Variants in CDH13 observed in about 807,000 individuals in gnomAD.
The protein encoded by CDH13 is cadherin 13, also known as cadherin-13.
CDH13 carries 24 observed loss-of-function variants against 63.8 expected under a neutral mutation model. The observed-to-expected ratio is 0.38, with a 90% CI of 0.27 to 0.53. The LOEUF is 0.53. Ranked by LOEUF, CDH13 falls within the 20% of genes least tolerant of loss-of-function variation. The pLI is 0.85. For synonymous variants in CDH13, 503 were observed against 355.3 expected, an observed-to-expected ratio of 1.42 and a Z score of -4.67; for missense variants, 1,049 against 903.1, an observed-to-expected ratio of 1.16 and a Z score of -2.07.
intron 6 of CDH13, among the ~76,000 whole-genome samples, chr16:83,410,454 T>A (rs928964836): frequency 5.3e-5 from 8 of 152,130 alleles, no homozygotes; most frequent in African/African-American, 1.9e-4. Context: ...AATCTATAGA[T>A]CAAGATAATG....
chr16:82,874,325 G>C (rs1204845171), intron 2 of CDH13, among the ~76,000 whole-genome samples: 1 of 152,094 alleles, frequency 6.6e-6, no homozygotes, highest in Non-Finnish European at 1.5e-5. Flanking sequence ...GTCGTGCTAA[G>C]ATGTTGAGTT....
At chr16:83,602,970 A>G (rs1023477179) in intron 8 of CDH13, among the ~76,000 whole-genome samples, 10 of 152,248 alleles carry the variant, frequency 6.6e-5, no homozygotes, top group Non-Finnish European at 1.0e-4. Flanking sequence ...TTGAGAGGCC[A>G]GACGGAACAG....
chr16:82,884,108 C>G, intron 2 of CDH13: 3 of 445,814 alleles, frequency 6.7e-6, no homozygotes, highest in South Asian at 1.6e-5. Flanking sequence ...TGAATAAATA[C>G]AAATATTGTT....
At chr16:83,287,270 G>A (rs1370452230) in intron 5 of CDH13, among the ~76,000 whole-genome samples, 3 of 152,150 alleles carry the variant, frequency 2.0e-5, no homozygotes, top group Non-Finnish European at 4.4e-5. Flanking sequence ...AGAGGCATTC[G>A]CTTCAGGGAC....
intron 7 of CDH13, among the ~76,000 whole-genome samples, chr16:83,508,631 G>A (rs752823513): frequency 1.6e-4 from 25 of 152,166 alleles, no homozygotes; most frequent in Middle Eastern, 3.4e-3. Context: ...ATGTTCTCCC[G>A]AGTCTCCCAG....
chr16:83,412,849 AT>A (rs1436159762), intron 6 of CDH13, among the ~76,000 whole-genome samples: 4 of 152,236 alleles, frequency 2.6e-5, no homozygotes, highest in Non-Finnish European at 2.9e-5. Context: ...GCTTTGGGAA[AT>A]TCCCAGAACA....
intron 6 of CDH13, among the ~76,000 whole-genome samples, chr16:83,353,471 A>T (rs2090997414): frequency 6.6e-6 from 1 of 152,260 alleles, no homozygotes; most frequent in African/African-American, 2.4e-5. Context: ...ATACCAAAGC[A>T]TCTGCTGGGA....
chr16:83,612,804 T>C (rs1908968590), intron 8 of CDH13, among the ~76,000 whole-genome samples: 1 of 152,160 alleles, frequency 6.6e-6, no homozygotes, highest in African/African-American at 2.4e-5. Context: ...TTTGAGCTCC[T>C]TTTATCATCC....
intron 6 of CDH13, among the ~76,000 whole-genome samples, chr16:83,390,681 G>A (rs2091769339): frequency 6.6e-6 from 1 of 152,078 alleles, no homozygotes; most frequent in Non-Finnish European, 1.5e-5. Context: ...TTGTCTCCAT[G>A]GATTCTAGTG....
chr16:83,018,398 T>C (rs1189624826), intron 2 of CDH13, among the ~76,000 whole-genome samples: 1 of 152,178 alleles, frequency 6.6e-6, no homozygotes, highest in African/African-American at 2.4e-5. Context: ...ATGATGTTTT[T>C]AATGGGTTAA....
chr16:83,605,716 A>T (rs1307032980), intron 8 of CDH13, among the ~76,000 whole-genome samples: 1 of 152,184 alleles, frequency 6.6e-6, no homozygotes, highest in Non-Finnish European at 1.5e-5. Context: ...GATGAGAAAG[A>T]TATTATTATG....
intron 1 of CDH13, among the ~76,000 whole-genome samples, chr16:82,732,211 C>A (rs2033439860): frequency 6.6e-6 from 1 of 152,088 alleles, no homozygotes; most frequent in African/African-American, 2.4e-5. Flanking sequence ...ATCATCGTGT[C>A]TTTGGAGTCT....
At chr16:83,551,301 A>G (rs1158132154) in intron 7 of CDH13, among the ~76,000 whole-genome samples, 2 of 152,122 alleles carry the variant, frequency 1.3e-5, no homozygotes, top group Admixed American at 1.3e-4. Context: ...AGGTGACCCC[A>G]AGTGATCCAC....
At chr16:83,182,432 T>C (rs1439705761) in intron 4 of CDH13, among the ~76,000 whole-genome samples, 1 of 152,198 alleles carries the variant, frequency 6.6e-6, no homozygotes, top group African/African-American at 2.4e-5. Context: ...ATAATTCATC[T>C]TTTGAACCCC....
intron 3 of CDH13, among the ~76,000 whole-genome samples, chr16:83,056,382 A>G (rs1366108223): frequency 6.6e-6 from 1 of 152,156 alleles, no homozygotes; most frequent in African/African-American, 2.4e-5. Flanking sequence ...ATAGCTAAAA[A>G]CTGGAAACAA....
At chr16:83,416,646 G>C (rs994315360) in intron 6 of CDH13, among the ~76,000 whole-genome samples, 4 of 152,164 alleles carry the variant, frequency 2.6e-5, no homozygotes, top group African/African-American at 4.8e-5. Flanking sequence ...ATCCAGATTT[G>C]AATTTGCATC....
At chr16:83,037,973 TA>T (rs781414742) in intron 3 of CDH13, among the ~76,000 whole-genome samples, 2 of 152,132 alleles carry the variant, frequency 1.3e-5, no homozygotes, top group Non-Finnish European at 2.9e-5. Flanking sequence ...AACTGAGGGC[TA>T]AGTGTATTCA....
In CDH13 at chr16:83,800,148, C is replaced by T. The variant is rs1444895410; in HGVS notation, c.*5118C>T. 2.6e-5 allele frequency: 4 copies of T among 152,042 alleles called. No individual in the cohort carries two copies. Among genetic ancestry groups the T allele is most frequent in the Admixed American group, 6.5e-5 (1 of 15,272 alleles). The allele number at this position is 152,042 out of a possible 1,614,324, so 9.4% of individuals were successfully genotyped here. A position where few individuals can be genotyped will look rare whatever the true frequency, so the allele number is the denominator to read the frequency against. ...TCATTGGTAGGGAGATGGTGAAAAG[C>T]GTTGGGTGGTGTAGGACGAGGGAGG... On this transcript the variant is annotated 3_prime_UTR_variant, in exon 14 of 14. Transcript: ENST00000567109.
At chr16:83,491,762 C>A (rs1358417572) in intron 7 of CDH13, among the ~76,000 whole-genome samples, 3 of 152,102 alleles carry the variant, frequency 2.0e-5, no homozygotes, top group African/African-American at 7.2e-5. Flanking sequence ...AAGTGATAGC[C>A]TGCCCGTGAA....
Sources: allele counts gnomAD v4.1 joint callset (sites outside exome capture counted in the v4.1 genomes callset), GRCh38; gene constraint gnomAD v4.1.1; transcripts MANE v1.5; gene names NCBI Gene and HGNC (gene_info 2026-07-23, HGNC 2026-07-21).